Variants in NAALAD2 observed in about 807,000 individuals in gnomAD.
The protein encoded by NAALAD2 is N-acetylated-alpha-linked acidic dipeptidase 2.
NAALAD2 carries 89 observed loss-of-function variants against 95.6 expected under a neutral mutation model. The ratio of observed to expected loss-of-function variants is 0.93; its 90% CI spans 0.78 to 1.11. The LOEUF is 1.11. NAALAD2 is among the 50% of genes least tolerant of loss of function. The pLI, the probability that NAALAD2 is intolerant of heterozygous loss-of-function variation, is 0.00. For missense variants in NAALAD2, 894 were observed against 872.4 expected (o/e 1.02, Z -0.31); for synonymous variants, 264 against 294.4 (o/e 0.90, Z 1.06).
upstream of NAALAD2, among the ~76,000 whole-genome samples, chr11:90,133,478 T>C (rs189228708): frequency 1.4e-5 from 2 of 147,758 alleles, no homozygotes; most frequent in East Asian, 4.0e-4. Context: ...GAAAATCAAC[T>C]CACAAAAGGC....
chr11:90,176,937 A>C lies in NAALAD2; in HGVS notation c.1593+875A>C, dbSNP rs188959800. Among the ~76,000 whole-genome samples the C allele has an allele frequency of 3.3e-4, 51 of 152,308 alleles. No homozygotes were observed. The East Asian group carries it at 8.9e-3, about 26-fold the overall frequency. Reference sequence around the variant, plus strand: ...AATGATGTGTTTTAACTCTTTGTCAAGGCCTGTTCACTTTTATACTCTGTC... The same window carrying C: ...AATGATGTGTTTTAACTCTTTGTCACGGCCTGTTCACTTTTATACTCTGTC... On this transcript the variant is annotated intron_variant, in intron 15 of 18. Coordinates refer to ENST00000534061, the MANE Select transcript of NAALAD2 (RefSeq NM_005467.4).
chr11:90,162,942 AT>A lies in NAALAD2; in HGVS notation c.990-5del. The A allele has an allele frequency of 6.9e-7, 1 of 1,445,692 alleles. No individual in the cohort carries two copies. The highest frequency in any genetic ancestry group is 9.5e-7 in the Non-Finnish European group (1 of 1,049,516). 89.6% of individuals were successfully genotyped at this position (1,445,692 alleles called of 1,614,324 possible). A position where few individuals can be genotyped will look rare whatever the true frequency, so the allele number is the denominator to read the frequency against. ...TACTAAGTAATTTATTCCTTTTAAA[AT>A]TCTAGGAAGGTTAGAATGCATGTTT... On this transcript the variant is annotated splice_polypyrimidine_tract_variant and splice_region_variant and intron_variant, in intron 8 of 18. Transcript: ENST00000534061.
chr11:90,169,759 A>G (rs1407655668), intron 12 of NAALAD2: 1 of 306,558 alleles, frequency 3.3e-6, no homozygotes, highest in Non-Finnish European at 6.1e-6. Flanking sequence ...AATTAATGCT[A>G]CAGACTTACC....
intron 6 of NAALAD2, among the ~76,000 whole-genome samples, chr11:90,155,818 A>G (rs1262398574): frequency 8.7e-6 from 1 of 114,370 alleles, no homozygotes; most frequent in East Asian, 2.4e-4. Flanking sequence ...AATATATAAT[A>G]TATATGTAAT....
chr11:90,189,718 G>C (rs182367252), intron 18 of NAALAD2, among the ~76,000 whole-genome samples: 2 of 151,484 alleles, frequency 1.3e-5, no homozygotes, highest in African/African-American at 2.4e-5. Flanking sequence ...GCAGTGAGCC[G>C]AGATCATGCC....
Position 90,191,588 on chromosome 11 carries a change from C to G in NAALAD2, c.2064C>G (p.Asn688Lys). The G allele has an allele frequency of 6.3e-7, 1 of 1,595,606 alleles. No individual in the cohort carries two copies. The highest frequency in any genetic ancestry group is 8.5e-7 in the Non-Finnish European group (1 of 1,171,610). The change falls in exon 19 of 19, where the codon AAC (asparagine) becomes AAG (lysine). Residue 688 changes from asparagine to lysine, a missense_variant. By Grantham distance (94) the Asn-to-Lys change is moderately conservative (BLOSUM62 0). Coordinates refer to ENST00000534061, the MANE Select transcript of NAALAD2 (RefSeq NM_005467.4). Reference protein sequence around the residue: ...RHIIFAPSSHNKYAGESFPGI... With the variant: ...RHIIFAPSSHKKYAGESFPGI... ...TCATATTTGCTCCAAGTAGCCACAA[C>G]AAATATGCTGGAGAATCATTTCCTG...
chr11:90,134,640 G>C (rs1951408356), upstream of NAALAD2: 2 of 909,112 alleles, frequency 2.2e-6, no homozygotes, highest in Admixed American at 2.0e-5. Context: ...GCGTGGCCTT[G>C]CGAAGGTCAG....
chr11:90,158,049 T>C (rs1467540718), intron 6 of NAALAD2, 96 bp from the exon 7 acceptor site: 1 of 925,160 alleles, frequency 1.1e-6, no homozygotes, highest in East Asian at 2.5e-5. Context: ...TAATTGCAAA[T>C]GTATAGCAAA....
chr11:90,172,996 T>C (rs537212), intron 13 of NAALAD2, among the ~76,000 whole-genome samples: 4 of 152,086 alleles, frequency 2.6e-5, no homozygotes, highest in Non-Finnish European at 5.9e-5. Flanking sequence ...AGCAAATCAG[T>C]GTTATAAACA....
At chr11:90,160,139 T>G (rs556756777) in intron 8 of NAALAD2, among the ~76,000 whole-genome samples, 1 of 152,252 alleles carries the variant, frequency 6.6e-6, no homozygotes, top group African/African-American at 2.4e-5. Context: ...CTGTTATTAA[T>G]ACATGATAAT....
At chr11:90,159,423 T>C in intron 8 of NAALAD2, 86 bp downstream of exon 8, 5 of 960,640 alleles carry the variant, frequency 5.2e-6, no homozygotes, top group Non-Finnish European at 4.8e-6. Flanking sequence ...CAGGGGTATT[T>C]TGCTTATCTC....
chr11:90,169,878 T>G (rs567781104), intron 12 of NAALAD2, among the ~76,000 whole-genome samples, 191 bp from the exon 13 acceptor site: 14 of 152,322 alleles, frequency 9.2e-5, no homozygotes, highest in African/African-American at 3.4e-4. Context: ...CCTTCTACTA[T>G]TCAGAATATT....
At chr11:90,184,888 G>A (rs1436542309) in intron 18 of NAALAD2, among the ~76,000 whole-genome samples, 1 of 152,048 alleles carries the variant, frequency 6.6e-6, no homozygotes, top group African/African-American at 2.4e-5. Flanking sequence ...GGTTGTGTCT[G>A]TACTGATTTA....
Position 90,150,592 on chromosome 11 carries a change from C to A in NAALAD2, c.594C>A (p.Ile198=), listed in dbSNP as rs1951864317. The A allele has an allele frequency of 6.3e-7, 1 of 1,592,910 alleles. No individual in the cohort carries two copies. Among genetic ancestry groups the A allele is most frequent in the African/African-American group, 1.3e-5 (1 of 74,260 alleles). ...TTGTTATTGCAAGATATGGAAAAAT[C>A]TTCAGAGGAAATAAAGTACAGTATT... is the stretch of plus-strand genomic sequence containing the variant. ...GKIVIARYGK[I]FRGNKVKNAM... The change falls in exon 5 of 19, where the codon ATC becomes ATA. Residue 198 remains isoleucine, a synonymous_variant. Transcript: ENST00000534061.
chr11:90,176,740 A>T lies in NAALAD2; in HGVS notation c.1593+678A>T, dbSNP rs191688744. Among the ~76,000 whole-genome samples the T allele has an allele frequency of 3.4e-3, 513 of 151,192 alleles. 3 individuals are homozygous for T. Among genetic ancestry groups the T allele is most frequent in the African/African-American group, 0.012 (488 of 40,494 alleles). On this transcript the variant is annotated intron_variant, in intron 15 of 18. Transcript: ENST00000534061. ...CACAGATTTGTCATAGATTTTAATC[A>T]ATCTTCAAATCATAATTACAGTACA... is the stretch of plus-strand genomic sequence containing the variant.
At chr11:90,150,174 C>T (rs997026066) in intron 4 of NAALAD2, among the ~76,000 whole-genome samples, 20 of 152,134 alleles carry the variant, frequency 1.3e-4, no homozygotes, top group Non-Finnish European at 5.9e-5. Flanking sequence ...ATCACTTGAA[C>T]TCAGAAGGTG....
At chr11:90,159,088 C>T (rs1565527148) in intron 7 of NAALAD2, 151 bp from the exon 8 acceptor site, 1 of 638,290 alleles carries the variant, frequency 1.6e-6, no homozygotes, top group Non-Finnish European at 2.7e-6. Flanking sequence ...AAAATAAGCT[C>T]CACAAAGGGC....
chr11:90,163,658 A>G (rs1158566048), intron 11 of NAALAD2, 41 bp downstream of exon 11: 1 of 1,561,924 alleles, frequency 6.4e-7, no homozygotes, highest in Non-Finnish European at 8.8e-7. Context: ...TTTTTGGTCA[A>G]CAGGGAACAA....
intron 6 of NAALAD2, among the ~76,000 whole-genome samples, chr11:90,152,877 TA>T (rs1408926661): frequency 9.2e-6 from 1 of 109,104 alleles, no homozygotes; most frequent in Non-Finnish European, 1.9e-5. Flanking sequence ...TTACATTTTT[TA>T]AAAAAATGAG....
Sources: allele counts gnomAD v4.1 joint callset (sites outside exome capture counted in the v4.1 genomes callset), GRCh38; gene constraint gnomAD v4.1.1; transcripts MANE v1.5; gene names NCBI Gene and HGNC (gene_info 2026-07-23, HGNC 2026-07-21).